Variants in CRIP2 observed in about 807,000 individuals in gnomAD.
The protein encoded by CRIP2 is cysteine-rich protein 2.
A neutral mutation model predicts 31.3 loss-of-function variants in CRIP2; 31 were observed. The observed-to-expected ratio is 0.99, with a 90% CI of 0.74 to 1.34. The LOEUF (loss-of-function observed/expected upper bound fraction) is 1.34, where lower values mean the gene tolerates loss of function less well. CRIP2 is among the 40% of genes most tolerant of loss of function. The pLI is 0.00. For synonymous variants in CRIP2, 177 were observed against 127.2 expected, an observed-to-expected ratio of 1.39 and a Z score of -2.63; for missense variants, 389 against 301.6, an observed-to-expected ratio of 1.29 and a Z score of -2.15.
At chr14:105,473,504 AG>A, upstream of CRIP2, 2 of 1,535,284 alleles carry the variant, frequency 1.3e-6, no homozygotes, top group Non-Finnish European at 1.7e-6. Flanking sequence ...CACCAGGCAG[AG>A]GGAACAGGTA....
At chr14:105,476,313 G>T in intron 1 of CRIP2, 2 of 985,462 alleles carry the variant, frequency 2.0e-6, no homozygotes, top group Non-Finnish European at 2.4e-6. Context: ...AAACAAAGGC[G>T]CTTCAGACCC....
In CRIP2 at chr14:105,479,120, T is replaced by C. The variant is rs782506912; in HGVS notation, c.407-5T>C. 1 of 1,611,292 alleles carries C rather than the reference T, an allele frequency of 6.2e-7. No individual in the cohort carries two copies. The highest frequency in any genetic ancestry group is 8.5e-7 in the Non-Finnish European group (1 of 1,179,322). On this transcript the variant is annotated splice_polypyrimidine_tract_variant and splice_region_variant and intron_variant, in intron 5 of 7. Coordinates refer to ENST00000329146, the MANE Select transcript of CRIP2 (RefSeq NM_001312.4). The stretch of plus-strand genomic sequence containing the variant: ...GGGCTCGGCCTCACTCCTCCCCCTT[T>C]CCAGCTGAGAAGGTGACGTCTCTGG...
At position 105,479,684 on chromosome 14, in the gene CRIP2, C is replaced by T; in HGVS notation, c.*31C>T. On this transcript the variant is annotated 3_prime_UTR_variant, in exon 8 of 8. Transcript: ENST00000329146. ...AGCGGCTCTCATGATGTGGGCTCAC[C>T]TGCGCCCCAGACCCTGCAGGGGCCC... 2 of 1,600,670 alleles carry T rather than the reference C, an allele frequency of 1.2e-6. No individual in the cohort carries two copies. The highest frequency in any genetic ancestry group is 1.7e-6 in the Non-Finnish European group (2 of 1,174,492).
intron 1 of CRIP2, chr14:105,477,366 A>C (rs1007226750): frequency 1.1e-5 from 11 of 985,060 alleles, no homozygotes; most frequent in Non-Finnish European, 1.3e-5. Context: ...GGGAGAGCTC[A>C]GGGTTTAGGA....
In CRIP2 at chr14:105,479,039, T is replaced by A; in HGVS notation, c.398T>A (p.Val133Glu). 6.3e-7 allele frequency: 1 copy of A among 1,577,638 alleles called. No homozygotes were observed. Among genetic ancestry groups the A allele is most frequent in the Non-Finnish European group, 8.6e-7 (1 of 1,164,180 alleles). ...PNTCPRCSKK[V>E]YFAEKVTSLG... is the part of the protein sequence containing the mutation. ...ACGTGCCCGCGCTGCAGCAAGAAGGTGTACTTCGGTGAGTGCGCGCCCGGG... is the reference window on the plus strand; with the variant it reads ...ACGTGCCCGCGCTGCAGCAAGAAGGAGTACTTCGGTGAGTGCGCGCCCGGG... Residue 133 changes from valine to glutamate, a missense_variant, in exon 5 of 8, where the codon GTG becomes GAG. By Grantham distance (121) the Val-to-Glu change is moderately radical (BLOSUM62 -2). Transcript: ENST00000329146.
rs1475225887 is a variant in CRIP2 at position 105,479,059 on chromosome 14, C to T, written c.406+12C>T. ...GAAGGTGTACTTCGGTGAGTGCGCG[C>T]CCGGGCCCCGGACCCCCGCCCCCGC... On this transcript the variant is annotated intron_variant, in intron 5 of 7. Transcript: ENST00000329146. 2.6e-6 allele frequency: 4 copies of T among 1,565,624 alleles called. No individual in the cohort carries two copies. Among genetic ancestry groups the T allele is most frequent in the South Asian group, 2.3e-5 (2 of 85,480 alleles).
At position 105,479,713 on chromosome 14, in the gene CRIP2, T is replaced by A. The variant is rs782550854; in HGVS notation, c.*60T>A. The A allele has an allele frequency of 5.2e-6, 8 of 1,540,200 alleles. No individual in the cohort carries two copies. Among genetic ancestry groups the A allele is most frequent in the African/African-American group, 1.4e-5 (1 of 73,058 alleles). On this transcript the variant is annotated 3_prime_UTR_variant, in exon 8 of 8. Coordinates refer to ENST00000329146, the MANE Select transcript of CRIP2 (RefSeq NM_001312.4). Reference sequence around the variant, plus strand: ...GCCCCAGACCCTGCAGGGGCCCCCCTGCTTGGCTCTGCTGGGAGAGTGCTC... The same window carrying A: ...GCCCCAGACCCTGCAGGGGCCCCCCAGCTTGGCTCTGCTGGGAGAGTGCTC...
chr14:105,478,905 G>T lies in CRIP2; in HGVS notation c.337+34G>T. On this transcript the variant is annotated intron_variant, in intron 4 of 7. Coordinates refer to ENST00000329146, the MANE Select transcript of CRIP2 (RefSeq NM_001312.4). This position sits in a 1 kb window ranked among gnomAD's most constrained non-coding sequence, Gnocchi z 4.9. ...GGCGCGGGCTGGGGCTGGGGGTTGT[G>T]GGCACGCGCGGGCTGGGGCTGGGGG... 6.7e-7 allele frequency: 1 copy of T among 1,482,758 alleles called. No individual in the cohort carries two copies. The highest frequency in any genetic ancestry group is 8.9e-7 in the Non-Finnish European group (1 of 1,123,982). 91.9% of individuals were successfully genotyped at this position (1,482,758 alleles called of 1,614,324 possible).
At chr14:105,479,298 G>T (rs1347521349) in intron 6 of CRIP2, 79 bp downstream of exon 6, 2 of 1,516,230 alleles carry the variant, frequency 1.3e-6, no homozygotes, top group Admixed American at 1.9e-5. Flanking sequence ...CGCGCCTAGA[G>T]GGGATGGGGG....
Position 105,479,801 on chromosome 14 carries a change from G to A in CRIP2, c.*148G>A. 1 of 807,742 alleles carries A rather than the reference G, an allele frequency of 1.2e-6. No homozygotes were observed. The highest frequency in any genetic ancestry group is 1.7e-5 in the African/African-American group (1 of 58,922). 50.0% of individuals were successfully genotyped at this position (807,742 alleles called of 1,614,324 possible). ...TGGAGGAGGGGCAGCCACGGGCAGA[G>A]CACCATGCCCATCCCCGAGTCTCTG... On this transcript the variant is annotated 3_prime_UTR_variant, in exon 8 of 8. Transcript: ENST00000329146.
chr14:105,474,923 C>A lies in CRIP2; in HGVS notation c.43+18C>A. 6.6e-7 allele frequency: 1 copy of A among 1,505,070 alleles called. No homozygotes were observed. The highest frequency in any genetic ancestry group is 8.9e-7 in the Non-Finnish European group (1 of 1,126,514). The allele number at this position is 1,505,070 out of a possible 1,614,324, so 93.2% of individuals were successfully genotyped here. A position where few individuals can be genotyped will look rare whatever the true frequency, so the allele number is the denominator to read the frequency against. On this transcript the variant is annotated intron_variant, in intron 1 of 7. Coordinates refer to ENST00000329146, the MANE Select transcript of CRIP2 (RefSeq NM_001312.4). This position sits in a 1 kb window ranked among gnomAD's most constrained non-coding sequence, Gnocchi z 5.1. ...GTACTTCGGTGAGTGCGTGCCCGCT[C>A]CCGGCCCGCTCGGTGCATCCCGCCG... is the stretch of plus-strand genomic sequence containing the variant.
At chr14:105,477,211 C>T (rs1468163252) in intron 1 of CRIP2, 2 of 946,342 alleles carry the variant, frequency 2.1e-6, no homozygotes, top group Non-Finnish European at 2.5e-6. Flanking sequence ...TGCCTGGCTC[C>T]CTAGGGAGGC....
chr14:105,477,827 G>T (rs1362880023), intron 1 of CRIP2, among the ~76,000 whole-genome samples: 1 of 126,988 alleles, frequency 7.9e-6, no homozygotes, highest in African/African-American at 2.8e-5. Flanking sequence ...GCGTGTGGGG[G>T]AGGCGGGTGT....
upstream of CRIP2, chr14:105,473,224 G>T: frequency 6.5e-7 from 1 of 1,533,014 alleles, no homozygotes; most frequent in Non-Finnish European, 8.7e-7. Flanking sequence ...GGGAGGAAGG[G>T]CTGCCCAGAA....
In CRIP2 at chr14:105,479,430, C is replaced by T. The variant is rs181863442; in HGVS notation, c.502-6C>T. ...CTCCTCCCTCAGCACCCACCTTCTG[C>T]CCCAGCACGACGGCCAGCCCTACTG... is the stretch of plus-strand genomic sequence containing the variant. On this transcript the variant is annotated splice_polypyrimidine_tract_variant and splice_region_variant and intron_variant, in intron 6 of 7. Transcript: ENST00000329146. 6.2e-6 allele frequency: 10 copies of T among 1,612,726 alleles called. No homozygotes were observed. Among genetic ancestry groups the T allele is most frequent in the African/African-American group, 1.3e-5 (1 of 75,034 alleles).
Position 105,479,173 on chromosome 14 carries a change from G to A in CRIP2, c.455G>A (p.Arg152His). The change falls in exon 6 of 8, where the codon CGC becomes CAC. Residue 152 changes from arginine (R) to histidine (H), a missense_variant. By Grantham distance (29) the Arg-to-His change is conservative (BLOSUM62 0). Coordinates refer to ENST00000329146, the MANE Select transcript of CRIP2 (RefSeq NM_001312.4). ...AAGGATTGGCACCGGCCCTGCCTGC[G>A]CTGCGAGCGCTGCGGGAAGACACTG... ...LGKDWHRPCL[R>H]CERCGKTLTP... The A allele has an allele frequency of 1.9e-6, 3 of 1,611,630 alleles. No homozygotes were observed. The highest frequency in any genetic ancestry group is 1.3e-5 in the African/African-American group (1 of 74,970).
At chr14:105,476,244 C>T in intron 1 of CRIP2, 2 of 985,468 alleles carry the variant, frequency 2.0e-6, no homozygotes, top group Non-Finnish European at 2.4e-6. Context: ...TCTCGGCCAA[C>T]AGTCCTGTGG....
chr14:105,478,568 C>G lies in CRIP2; in HGVS notation c.196+61C>G. ...TGCTGGGAGGGGCGTGGCGCTGGCG[C>G]TGGGGAGGGCTGGGGGTCCCGGCCG... On this transcript the variant is annotated intron_variant, in intron 3 of 7. Coordinates refer to ENST00000329146, the MANE Select transcript of CRIP2 (RefSeq NM_001312.4). The surrounding 1 kb of genome is among the most constrained non-coding windows in gnomAD (Gnocchi z 4.9). The G allele has an allele frequency of 6.4e-7, 1 of 1,553,202 alleles. No individual in the cohort carries two copies. Among genetic ancestry groups the G allele is most frequent in the African/African-American group, 1.4e-5 (1 of 73,660 alleles).
chr14:105,479,341 C>T (rs896670743), intron 6 of CRIP2, 95 bp from the exon 7 acceptor site: 1 of 1,570,220 alleles, frequency 6.4e-7, no homozygotes, highest in Non-Finnish European at 8.7e-7. Context: ...TGCCCTCTCC[C>T]CCACGGCGAG....
Sources: gnomAD v4.1 joint callset for allele counts (sites outside exome capture counted in the v4.1 genomes callset) on GRCh38, gnomAD v4.1.1 for gene constraint, Gnocchi (gnomAD v3.1) non-coding constraint, MANE v1.5 for transcripts, NCBI Gene and HGNC (gene_info 2026-07-23, HGNC 2026-07-21) for gene names.